The following CNTNAP5 variants were observed in gnomAD, a reference collection of about 807,000 sequenced individuals.
The protein encoded by CNTNAP5 is contactin-associated protein-like 5.
In CNTNAP5, 72 loss-of-function variants were observed where a neutral mutation model predicts 150.2. That is an observed-to-expected ratio of 0.48 (90% confidence interval 0.40 to 0.58). The LOEUF is 0.58. Ranked by LOEUF, CNTNAP5 falls within the 20% of genes least tolerant of loss-of-function variation. The pLI is 0.00. For missense variants in CNTNAP5, 1,636 were observed against 1,626.2 expected (o/e 1.01, Z -0.10); for synonymous variants, 672 against 619.8 (o/e 1.08, Z -1.25).
chr2:124,915,912 CT>C lies in CNTNAP5; in HGVS notation c.*1626del, dbSNP rs1401415558. Among the ~76,000 whole-genome samples the C allele has an allele frequency of 6.6e-6, 1 of 152,050 alleles. No homozygotes were observed. The highest frequency in any genetic ancestry group is 1.9e-4 in the East Asian group (1 of 5,152). ...TAATGATTCTTAGGTGTGGAAAATA[CT>C]TGCTGATTCTCTTTATGAGGCAGAT... is the stretch of plus-strand genomic sequence containing the variant. On this transcript the variant is annotated 3_prime_UTR_variant, in exon 24 of 24. Transcript: ENST00000682447.
At chr2:124,908,061 G>T (rs1049132444) in intron 22 of CNTNAP5, among the ~76,000 whole-genome samples, 1 of 151,858 alleles carries the variant, frequency 6.6e-6, no homozygotes, top group African/African-American at 2.4e-5. Context: ...AGAAACCATT[G>T]TAAGTCGGAG....
At chr2:124,639,233 C>T (rs546145321) in intron 12 of CNTNAP5, among the ~76,000 whole-genome samples, 3 of 152,258 alleles carry the variant, frequency 2.0e-5, no homozygotes, top group South Asian at 2.1e-4. Context: ...CATGTAAATG[C>T]GACGAGCACG....
intron 16 of CNTNAP5, among the ~76,000 whole-genome samples, chr2:124,771,462 G>T (rs1384425989): frequency 1.3e-5 from 2 of 152,140 alleles, no homozygotes; most frequent in Non-Finnish European, 2.9e-5. Context: ...AACCACTTAA[G>T]ACACTTGCAG....
At chr2:124,544,329 T>C (rs1695463193) in intron 10 of CNTNAP5, among the ~76,000 whole-genome samples, 1 of 152,158 alleles carries the variant, frequency 6.6e-6, no homozygotes, top group Admixed American at 6.6e-5. Flanking sequence ...TAAAGCTAAT[T>C]TTAGCTAAAG....
chr2:124,750,914 G>T (rs1287693278), intron 14 of CNTNAP5, among the ~76,000 whole-genome samples: 1 of 149,076 alleles, frequency 6.7e-6, no homozygotes, highest in African/African-American at 2.5e-5. Context: ...AACCCAGAAG[G>T]TGGAGGTTGC....
chr2:124,290,501 A>G (rs534092714), intron 3 of CNTNAP5, among the ~76,000 whole-genome samples: 6 of 152,276 alleles, frequency 3.9e-5, no homozygotes, highest in Non-Finnish European at 8.8e-5. Flanking sequence ...TGGCCGCAGT[A>G]CTATTTAAAA....
At chr2:124,803,018 G>C (rs1304418974) in intron 19 of CNTNAP5, among the ~76,000 whole-genome samples, 1 of 151,856 alleles carries the variant, frequency 6.6e-6, no homozygotes, top group Non-Finnish European at 1.5e-5. Context: ...GGGAGGCTGA[G>C]GCAGGAGAAT....
chr2:124,308,171 C>T (rs1317751836), intron 3 of CNTNAP5, among the ~76,000 whole-genome samples: 1 of 152,140 alleles, frequency 6.6e-6, no homozygotes, highest in African/African-American at 2.4e-5. Context: ...TGGAAAGTTA[C>T]TTTTCATTGC....
At chr2:124,426,759 GC>G (rs1310896042) in intron 4 of CNTNAP5, among the ~76,000 whole-genome samples, 1 of 152,154 alleles carries the variant, frequency 6.6e-6, no homozygotes, top group African/African-American at 2.4e-5. Flanking sequence ...CATCAAATAT[GC>G]CAGCATATGC....
At position 124,723,427 on chromosome 2, in the gene CNTNAP5, A is replaced by G. The variant is rs7577415; in HGVS notation, c.2078-23802A>G. Among the ~76,000 whole-genome samples, 643 of 152,272 alleles carry G rather than the reference A, an allele frequency of 4.2e-3. 6 individuals carry two copies. The highest frequency in any genetic ancestry group is 0.015 in the African/African-American group (610 of 41,558). ...TATTCCTACCAAAAGTCTCTTCAAG[A>G]CAGTGTAAGATCTTTCTAACATGTA... On this transcript the variant is annotated intron_variant, in intron 13 of 23. Transcript: ENST00000682447.
intron 1 of CNTNAP5, among the ~76,000 whole-genome samples, chr2:124,161,955 T>C (rs765477272): frequency 6.6e-6 from 1 of 152,114 alleles, no homozygotes; most frequent in Non-Finnish European, 1.5e-5. Flanking sequence ...CTTCAAGAGT[T>C]GAGAAAACAA....
rs957839260 is a variant in CNTNAP5 at position 124,670,059 on chromosome 2, G to A, written c.2077+22101G>A. Among the ~76,000 whole-genome samples, 4 of 151,922 alleles carry A rather than the reference G, an allele frequency of 2.6e-5. No homozygotes were observed. In the East Asian group the frequency reaches 5.8e-4, roughly 22 times the overall value. ...CCAGGGGCCCTCTTAGACCTTCCAT[G>A]TTCTGGAGGCACTGGATCTCTCTAT... On this transcript the variant is annotated intron_variant, in intron 13 of 23. Coordinates refer to ENST00000682447, the MANE Select transcript of CNTNAP5 (RefSeq NM_001367498.1).
At chr2:124,306,677 C>G (rs1025990945) in intron 3 of CNTNAP5, among the ~76,000 whole-genome samples, 84 of 148,148 alleles carry the variant, frequency 5.7e-4, no homozygotes, top group African/African-American at 2.1e-3. Context: ...GCATGGTCAT[C>G]ATGGTCATGT....
At chr2:124,565,724 C>G (rs748073307) in intron 11 of CNTNAP5, among the ~76,000 whole-genome samples, 1 of 151,166 alleles carries the variant, frequency 6.6e-6, no homozygotes, top group Non-Finnish European at 1.5e-5. Context: ...CTCAGCCTCC[C>G]GAGTAGCTGG....
intron 19 of CNTNAP5, among the ~76,000 whole-genome samples, chr2:124,837,667 A>C (rs539785390): frequency 1.3e-5 from 2 of 152,282 alleles, no homozygotes; most frequent in African/African-American, 4.8e-5. Flanking sequence ...TTTTAGGCAC[A>C]GTTGTTTACA....
intron 12 of CNTNAP5, among the ~76,000 whole-genome samples, chr2:124,621,515 T>G (rs577019620): frequency 6.6e-6 from 1 of 152,334 alleles, no homozygotes; most frequent in African/African-American, 2.4e-5. Flanking sequence ...TTAAAACTCA[T>G]CAAAGCATGC....
chr2:124,675,580 C>A (rs1678922876), intron 13 of CNTNAP5, among the ~76,000 whole-genome samples: 1 of 152,094 alleles, frequency 6.6e-6, no homozygotes, highest in Non-Finnish European at 1.5e-5. Context: ...ATCAAGTTTG[C>A]ATTAATCCTA....
chr2:124,788,948 G>A (rs533719517), intron 17 of CNTNAP5, among the ~76,000 whole-genome samples: 1 of 152,212 alleles, frequency 6.6e-6, no homozygotes, highest in East Asian at 1.9e-4. Flanking sequence ...TATGATCTTA[G>A]TGAAGCCTCA....
rs542951288 is a variant in CNTNAP5 at position 124,723,942 on chromosome 2, G to T, written c.2078-23287G>T. Among the ~76,000 whole-genome samples the T allele has an allele frequency of 3.1e-4, 44 of 139,688 alleles. 1 individual carries two copies. The East Asian group carries it at 8.2e-3, about 26-fold the overall frequency. 91.6% of individuals were successfully genotyped at this position (139,688 alleles called of 152,430 possible). On this transcript the variant is annotated intron_variant, in intron 13 of 23. Coordinates refer to ENST00000682447, the MANE Select transcript of CNTNAP5 (RefSeq NM_001367498.1). ...GGGTGGATCACAAGGGCAGGAGATT[G>T]AGGCCATCCTGGCAAAACATGGTGA...
Sources: allele counts gnomAD v4.1 joint callset (sites outside exome capture counted in the v4.1 genomes callset), GRCh38; gene constraint gnomAD v4.1.1; transcripts MANE v1.5; gene names NCBI Gene and HGNC (gene_info 2026-07-23, HGNC 2026-07-21).